TENM4: variants seen among roughly 807,000 people sequenced by gnomAD.
The protein encoded by TENM4 is teneurin-4.
TENM4 carries 82 observed loss-of-function variants against 243.3 expected under a neutral mutation model. The observed-to-expected ratio is 0.34, with a 90% CI of 0.28 to 0.40. TENM4 has a LOEUF of 0.40. Among genes scored for constraint, TENM4 ranks in the 10% least tolerant of loss-of-function variants. The probability of loss-of-function intolerance (pLI) is 1.00; values close to 1 mark genes in which losing one functional copy is unlikely to be tolerated. For synonymous variants in TENM4, 1,412 were observed against 1,456.3 expected (o/e 0.97, Z 0.69); for missense variants, 3,138 against 3,673.3 (o/e 0.85, Z 3.77).
intron 6 of TENM4, among the ~76,000 whole-genome samples, chr11:79,002,855 C>A (rs576606261): frequency 6.6e-6 from 1 of 152,242 alleles, no homozygotes; most frequent in African/African-American, 2.4e-5. Context: ...GAGCAAAGAT[C>A]ATCAGGATTC....
chr11:79,106,082 C>T (rs542347843), intron 4 of TENM4, among the ~76,000 whole-genome samples: 65 of 152,318 alleles, frequency 4.3e-4, no homozygotes, highest in South Asian at 8.3e-4. Flanking sequence ...TCTCTTCAAG[C>T]CTCAAGATAA....
chr11:79,287,606 C>A (rs915914145), intron 2 of TENM4, among the ~76,000 whole-genome samples: 4 of 152,136 alleles, frequency 2.6e-5, no homozygotes, highest in Non-Finnish European at 5.9e-5. Context: ...GGTTCCCCAA[C>A]AAGTAGGGTG....
intron 6 of TENM4, among the ~76,000 whole-genome samples, chr11:79,024,744 T>C (rs1859031955): frequency 1.3e-5 from 2 of 152,214 alleles, no homozygotes; most frequent in African/African-American, 2.4e-5. Context: ...TCAGCTCGTG[T>C]GTATGGTGCC....
intron 6 of TENM4, among the ~76,000 whole-genome samples, chr11:78,979,511 T>C (rs983726398): frequency 3.3e-5 from 5 of 152,076 alleles, no homozygotes; most frequent in African/African-American, 9.7e-5. Context: ...TAAGAAAGCA[T>C]TGTGGGCATG....
At chr11:79,133,940 A>G (rs1204762502) in intron 4 of TENM4, among the ~76,000 whole-genome samples, 2 of 152,186 alleles carry the variant, frequency 1.3e-5, no homozygotes, top group Non-Finnish European at 2.9e-5. Flanking sequence ...CTGGAATAAG[A>G]CAAGGAAGCC....
At chr11:79,176,316 T>C (rs1036525128) in intron 3 of TENM4, among the ~76,000 whole-genome samples, 6 of 152,136 alleles carry the variant, frequency 3.9e-5, no homozygotes, top group Non-Finnish European at 5.9e-5. Flanking sequence ...CTACACTCCA[T>C]TTACTCCAGT....
intron 9 of TENM4, among the ~76,000 whole-genome samples, chr11:78,874,733 TGA>T (rs1859223042): frequency 6.6e-6 from 1 of 152,216 alleles, no homozygotes; most frequent in Admixed American, 6.5e-5. Context: ...ACACACAGGC[TGA>T]GACACACACA....
chr11:79,352,404 A>G (rs536531045), intron 1 of TENM4, among the ~76,000 whole-genome samples: 21 of 152,306 alleles, frequency 1.4e-4, no homozygotes, highest in Admixed American at 1.3e-3. Context: ...TGGAGCCAAG[A>G]GTGACCTCCC....
chr11:79,082,239 G>A (rs986090577), intron 4 of TENM4, among the ~76,000 whole-genome samples: 8 of 152,150 alleles, frequency 5.3e-5, no homozygotes, highest in Admixed American at 5.2e-4. Context: ...ACCTTTGCGA[G>A]CCAACCCTCT....
chr11:79,405,718 G>T (rs376123183), intron 1 of TENM4, among the ~76,000 whole-genome samples: 32 of 151,724 alleles, frequency 2.1e-4, no homozygotes, highest in African/African-American at 5.8e-4. Context: ...ACAATATTTT[G>T]TCCAGGGATT....
At chr11:79,351,622 C>G (rs1180299094) in intron 1 of TENM4, among the ~76,000 whole-genome samples, 1 of 152,138 alleles carries the variant, frequency 6.6e-6, no homozygotes, top group Non-Finnish European at 1.5e-5. Flanking sequence ...CACAAGATTG[C>G]TTGAACCCAG....
intron 6 of TENM4, among the ~76,000 whole-genome samples, chr11:78,986,095 C>A (rs1857912577): frequency 1.3e-5 from 2 of 152,120 alleles, no homozygotes; most frequent in South Asian, 4.1e-4. Context: ...CTACTGGGCT[C>A]CTCTTACTCC....
intron 3 of TENM4, among the ~76,000 whole-genome samples, chr11:79,206,195 T>A (rs566450573): frequency 6.6e-6 from 1 of 152,290 alleles, no homozygotes; most frequent in African/African-American, 2.4e-5. Context: ...GAGCTCCCAG[T>A]CAGGACATCT....
intron 2 of TENM4, among the ~76,000 whole-genome samples, chr11:79,288,781 G>T (rs920238057): frequency 6.6e-6 from 1 of 152,166 alleles, no homozygotes; most frequent in Admixed American, 6.5e-5. Flanking sequence ...GACAGATTTA[G>T]TGGATGATTG....
At chr11:78,874,508 T>C (rs1229665659) in intron 9 of TENM4, among the ~76,000 whole-genome samples, 1 of 152,178 alleles carries the variant, frequency 6.6e-6, no homozygotes, top group East Asian at 1.9e-4. Flanking sequence ...ATTAGGTGTA[T>C]GCATAGTGCT....
chr11:78,951,866 T>C (rs749828510), intron 6 of TENM4, among the ~76,000 whole-genome samples: 4 of 152,224 alleles, frequency 2.6e-5, no homozygotes, highest in Non-Finnish European at 2.9e-5. Context: ...ATAGGAGCCC[T>C]ATAGATACAT....
At chr11:79,356,698 A>G (rs956510858) in intron 1 of TENM4, among the ~76,000 whole-genome samples, 2 of 152,158 alleles carry the variant, frequency 1.3e-5, no homozygotes, top group Non-Finnish European at 2.9e-5. Context: ...AGTCAAGGTC[A>G]TTATCATCAT....
intron 6 of TENM4, among the ~76,000 whole-genome samples, chr11:78,968,874 G>T (rs1223606935): frequency 6.6e-6 from 1 of 152,196 alleles, no homozygotes; most frequent in African/African-American, 2.4e-5. Flanking sequence ...GAAAGGGAGA[G>T]GCCTGTCTAT....
intron 6 of TENM4, among the ~76,000 whole-genome samples, chr11:79,008,551 A>C (rs1443483857): frequency 6.6e-6 from 1 of 152,220 alleles, no homozygotes; most frequent in Non-Finnish European, 1.5e-5. Flanking sequence ...TTTTATGATA[A>C]ACACTTTGAA....
Sources: allele counts gnomAD v4.1 joint callset (sites outside exome capture counted in the v4.1 genomes callset), GRCh38; gene constraint gnomAD v4.1.1; transcripts MANE v1.5; gene names NCBI Gene and HGNC (gene_info 2026-07-23, HGNC 2026-07-21).